NRXN1: variants seen among roughly 807,000 people sequenced by gnomAD.
NRXN1 encodes the protein neurexin 1.
Under a neutral mutation model 150.9 loss-of-function variants are expected in NRXN1, and 39 were observed. The ratio of observed to expected loss-of-function variants is 0.26; its 90% CI spans 0.20 to 0.34. The LOEUF (loss-of-function observed/expected upper bound fraction) is 0.34. Ranked by LOEUF, NRXN1 falls within the 10% of genes least tolerant of loss-of-function variation. The pLI is 1.00. For synonymous variants in NRXN1, 924 were observed against 757.0 expected (o/e 1.22, Z -3.62); for missense variants, 1,815 against 1,949.9 (o/e 0.93, Z 1.30).
chr2:49,943,238 C>T (rs1672320092), intron 22 of NRXN1, among the ~76,000 whole-genome samples: 1 of 152,164 alleles, frequency 6.6e-6, no homozygotes. Flanking sequence ...TTTACTACTG[C>T]TATAATACTC....
At chr2:50,663,513 A>C (rs1050623630) in intron 5 of NRXN1, among the ~76,000 whole-genome samples, 1 of 152,056 alleles carries the variant, frequency 6.6e-6, no homozygotes, top group African/African-American at 2.4e-5. Flanking sequence ...AGTCTAAGTT[A>C]TCTCTTTAGA....
chr2:50,884,360 C>T (rs1679909893), intron 5 of NRXN1, among the ~76,000 whole-genome samples: 1 of 151,696 alleles, frequency 6.6e-6, no homozygotes, highest in Non-Finnish European at 1.5e-5. Context: ...TATGCCTACA[C>T]ATATTAACAG....
At chr2:50,891,341 T>A (rs1237994774) in intron 5 of NRXN1, among the ~76,000 whole-genome samples, 1 of 152,090 alleles carries the variant, frequency 6.6e-6, no homozygotes, top group Non-Finnish European at 1.5e-5. Context: ...TGCTTCATAG[T>A]TACCAGACTG....
chr2:50,347,212 C>G lies in NRXN1; in HGVS notation c.3365-110242G>C. On this transcript the variant is annotated intron_variant, in intron 17 of 22. Coordinates refer to ENST00000401669, the MANE Select transcript of NRXN1 (RefSeq NM_001330078.2). The surrounding 1 kb of genome is among the most constrained non-coding windows in gnomAD (Gnocchi z 4.9). The stretch of plus-strand genomic sequence containing the variant: ...TTGTCCGGAAAGGCAGCCCCGGGAA[C>G]AGCAAGCGCGGAGCGGGTGGCTGCT... 4 of 1,341,780 alleles carry G rather than the reference C, an allele frequency of 3.0e-6. No individual in the cohort carries two copies. The highest frequency in any genetic ancestry group is 3.9e-6 in the Non-Finnish European group (4 of 1,024,150). The allele number at this position is 1,341,780 out of a possible 1,614,324, so 83.1% of individuals were successfully genotyped here.
chr2:50,379,710 TAGA>T (rs1236770946), intron 17 of NRXN1, among the ~76,000 whole-genome samples: 1 of 151,934 alleles, frequency 6.6e-6, no homozygotes, highest in Non-Finnish European at 1.5e-5. Context: ...TAGAAAAAAA[TAGA>T]AGGGTGTAAA....
At chr2:50,010,495 CA>C (rs1685474602) in intron 21 of NRXN1, among the ~76,000 whole-genome samples, 1 of 152,078 alleles carries the variant, frequency 6.6e-6, no homozygotes, top group Non-Finnish European at 1.5e-5. Context: ...TAGCCTTTTG[CA>C]ACGATAACTC....
chr2:50,166,277 G>A (rs932581469), intron 18 of NRXN1, among the ~76,000 whole-genome samples: 1 of 116,642 alleles, frequency 8.6e-6, no homozygotes, highest in East Asian at 2.4e-4. Flanking sequence ...AGTACTCAAC[G>A]TATGTGTGTG....
intron 2 of NRXN1, among the ~76,000 whole-genome samples, chr2:51,022,717 T>G (rs1669818464): frequency 6.6e-6 from 1 of 152,122 alleles, no homozygotes; most frequent in African/African-American, 2.4e-5. Flanking sequence ...ACTATCTACT[T>G]ATATAATAAC....
At chr2:50,630,352 T>C (rs1479644681) in intron 5 of NRXN1, among the ~76,000 whole-genome samples, 1 of 151,554 alleles carries the variant, frequency 6.6e-6, no homozygotes, top group East Asian at 1.9e-4. Flanking sequence ...GGAAAAAAAA[T>C]GTTAAACAAA....
chr2:50,428,044 C>T (rs12619946), intron 17 of NRXN1, among the ~76,000 whole-genome samples: 41,548 of 151,994 alleles, frequency 0.27, 5,868 homozygotes, highest in East Asian at 0.39. Flanking sequence ...TCTTCTGATG[C>T]TTGCTTTTCC....
intron 18 of NRXN1, among the ~76,000 whole-genome samples, chr2:50,183,343 C>T (rs1443784189): frequency 6.6e-5 from 10 of 152,004 alleles, no homozygotes; most frequent in African/African-American, 2.2e-4. Context: ...AATTTGTTAT[C>T]GACAAGTGTA....
chr2:50,814,950 T>G (rs1250653461), intron 5 of NRXN1, among the ~76,000 whole-genome samples: 1 of 151,796 alleles, frequency 6.6e-6, no homozygotes, highest in Non-Finnish European at 1.5e-5. Context: ...ACTTTCTGAT[T>G]CTACGACATA....
intron 19 of NRXN1, among the ~76,000 whole-genome samples, chr2:50,084,581 G>T (rs1331482825): frequency 1.3e-5 from 2 of 152,064 alleles, no homozygotes; most frequent in East Asian, 3.9e-4. Flanking sequence ...GTTCCCGCCC[G>T]TGCCTCTCCC....
At chr2:50,385,868 C>A (rs570651656) in intron 17 of NRXN1, among the ~76,000 whole-genome samples, 1 of 151,736 alleles carries the variant, frequency 6.6e-6, no homozygotes, top group South Asian at 2.1e-4. Context: ...CAGAAATTTC[C>A]TAAGAAAAAA....
At chr2:50,745,735 C>T (rs953351397) in intron 5 of NRXN1, among the ~76,000 whole-genome samples, 10 of 151,946 alleles carry the variant, frequency 6.6e-5, no homozygotes, top group African/African-American at 1.5e-4. Flanking sequence ...GAACGAGAAC[C>T]GATTAAAGGG....
intron 12 of NRXN1, among the ~76,000 whole-genome samples, chr2:50,518,405 T>A (rs1296359228): frequency 6.6e-6 from 1 of 152,100 alleles, no homozygotes; most frequent in South Asian, 2.1e-4. Flanking sequence ...TACTAAATAG[T>A]TCAATTTGCT....
At position 50,552,595 on chromosome 2, in the gene NRXN1, C is replaced by G; in HGVS notation, c.1751G>C (p.Gly584Ala). 1 of 1,609,570 alleles carries G rather than the reference C, an allele frequency of 6.2e-7. No homozygotes were observed. Among genetic ancestry groups the G allele is most frequent in the Non-Finnish European group, 8.5e-7 (1 of 1,176,246 alleles). Residue 584 changes from glycine (G) to alanine (A), a missense_variant, in exon 9 of 23, where the codon GGA (glycine) becomes GCA (alanine). Physicochemically the swap from Gly to Ala is moderately conservative, Grantham distance 60 (BLOSUM62 0). Coordinates refer to ENST00000401669, the MANE Select transcript of NRXN1 (RefSeq NM_001330078.2). The part of the protein sequence containing the change: ...EWYHVDFQRD[G>A]RSGTISVNTL... ...AAAAATGATAAGATTACCTGACCGT[C>G]CGTCTCTCTGGAAGTCCACATGATA...
rs1219627819 is a variant in NRXN1 at position 50,009,830 on chromosome 2, A to G, written c.4128+43441T>C. On this transcript the variant is annotated intron_variant, in intron 21 of 22. Coordinates refer to ENST00000401669, the MANE Select transcript of NRXN1 (RefSeq NM_001330078.2). The stretch of plus-strand genomic sequence containing the variant: ...GCTTTCTATTTAAATGTTTTTCTGC[A>G]CAGAAAATTATAATTACATTTGCAT... Among the ~76,000 whole-genome samples the G allele has an allele frequency of 2.6e-5, 4 of 152,154 alleles. No individual in the cohort carries two copies. The South Asian group carries it at 6.2e-4, about 24-fold the overall frequency.
chr2:50,598,302 T>C (rs1034348603), intron 8 of NRXN1, among the ~76,000 whole-genome samples: 4 of 152,084 alleles, frequency 2.6e-5, no homozygotes, highest in African/African-American at 4.8e-5. Context: ...AAACAGCCCT[T>C]AGAATCACAT....
Sources: allele counts gnomAD v4.1 joint callset (sites outside exome capture counted in the v4.1 genomes callset), GRCh38; gene constraint gnomAD v4.1.1; non-coding constraint Gnocchi (gnomAD v3.1); transcripts MANE v1.5; gene names NCBI Gene and HGNC (gene_info 2026-07-23, HGNC 2026-07-21).